Variants in USP37 observed in about 807,000 individuals in gnomAD.
USP37 encodes ubiquitin carboxyl-terminal hydrolase 37.
USP37 carries 27 observed loss-of-function variants against 124.0 expected under a neutral mutation model. The ratio of observed to expected loss-of-function variants is 0.22; its 90% CI spans 0.16 to 0.30. The LOEUF is 0.30. USP37 is among the 10% of genes least tolerant of loss of function. USP37 has a pLI of 1.00. For missense variants in USP37, 889 were observed against 1,140.4 expected (o/e 0.78, Z 3.17); for synonymous variants, 365 against 388.0 (o/e 0.94, Z 0.70).
At position 218,451,159 on chromosome 2, in the gene USP37, T is replaced by C. The variant is rs575013554; in HGVS notation, c.*3771A>G. ...ATAAAAAGATGTTGGAGGGCAGAAG[T>C]CTATTTAGTTTTTGTATACACTTGC... is the stretch of plus-strand genomic sequence containing the variant. On this transcript the variant is annotated 3_prime_UTR_variant, in exon 26 of 26. Coordinates refer to ENST00000258399, the MANE Select transcript of USP37 (RefSeq NM_020935.3). 1 of 152,326 alleles carries C rather than the reference T, an allele frequency of 6.6e-6. No individual in the cohort carries two copies. The highest frequency in any genetic ancestry group is 1.9e-4 in the East Asian group (1 of 5,186). The allele number at this position is 152,326 out of a possible 1,614,324, so 9.4% of individuals were successfully genotyped here.
chr2:218,477,998 C>G (rs1170357307), intron 18 of USP37, among the ~76,000 whole-genome samples: 3 of 152,066 alleles, frequency 2.0e-5, no homozygotes. Flanking sequence ...CAAGAACTTT[C>G]TTTGATGGAG....
At chr2:218,495,733 G>A in intron 14 of USP37, 27 bp downstream of exon 14, 1 of 1,569,710 alleles carries the variant, frequency 6.4e-7, no homozygotes, top group Non-Finnish European at 8.6e-7. Context: ...AAGTAAAAAG[G>A]GAAATCATTT....
At chr2:218,537,663 A>G (rs1433172369) in intron 8 of USP37, among the ~76,000 whole-genome samples, 1 of 152,332 alleles carries the variant, frequency 6.6e-6, no homozygotes, top group East Asian at 1.9e-4. Flanking sequence ...CAGGTAAATA[A>G]TCATCAAAAA....
intron 3 of USP37, 62 bp downstream of exon 3, chr2:218,560,758 T>G (rs1693264743): frequency 6.6e-6 from 1 of 151,932 alleles, no homozygotes; most frequent in Non-Finnish European, 1.5e-5. Flanking sequence ...AACTGTCCAT[T>G]TTTAATTGTT....
intron 10 of USP37, among the ~76,000 whole-genome samples, chr2:218,519,998 T>C (rs942049940): frequency 1.3e-5 from 2 of 152,124 alleles, no homozygotes; most frequent in African/African-American, 4.8e-5. Flanking sequence ...AGTACAATGG[T>C]GCGATCTAGG....
chr2:218,517,105 G>A (rs1690334685), intron 10 of USP37, among the ~76,000 whole-genome samples: 1 of 152,148 alleles, frequency 6.6e-6, no homozygotes, highest in African/African-American at 2.4e-5. Flanking sequence ...TACAATATTT[G>A]TGTACTCATG....
intron 2 of USP37, 42 bp downstream of exon 2, chr2:218,562,631 A>G (rs1029696816): frequency 2.3e-5 from 9 of 397,960 alleles, no homozygotes; most frequent in Non-Finnish European, 3.5e-5. Flanking sequence ...GCCAGATTGC[A>G]TGCTCTTTGA....
intron 20 of USP37, among the ~76,000 whole-genome samples, chr2:218,468,372 C>T (rs896658188): frequency 1.3e-5 from 2 of 151,114 alleles, no homozygotes; most frequent in African/African-American, 2.4e-5. Context: ...AAGTAGCATG[C>T]ACCACCATGC....
At chr2:218,546,781 T>TA in intron 7 of USP37, 138 bp downstream of exon 7, 1 of 954,118 alleles carries the variant, frequency 1.0e-6, no homozygotes, top group Non-Finnish European at 1.5e-6. Context: ...ATAAACTACA[T>TA]ATGACAAATA....
chr2:218,517,520 T>C (rs529083267), intron 10 of USP37, among the ~76,000 whole-genome samples: 2 of 152,366 alleles, frequency 1.3e-5, no homozygotes, highest in African/African-American at 4.8e-5. Context: ...AATTCTATGT[T>C]GGCAGTTATT....
intron 20 of USP37, among the ~76,000 whole-genome samples, chr2:218,474,066 T>A (rs523396): frequency 4.1e-4 from 63 of 152,078 alleles, no homozygotes; most frequent in Admixed American, 2.4e-3. Flanking sequence ...AATGGAGAAC[T>A]TGAATTATTT....
At position 218,497,850 on chromosome 2, in the gene USP37, C is replaced by T. The variant is rs777070314; in HGVS notation, c.1165G>A (p.Ala389Thr). 10 of 1,613,460 alleles carry T rather than the reference C, an allele frequency of 6.2e-6. No homozygotes were observed. In the Admixed American group the frequency reaches 1.0e-4, roughly 16 times the overall value. Residue 389 changes from alanine to threonine, a missense_variant, in exon 13 of 26, where the codon GCA becomes ACA. Around this residue, in one of 3 missense-constraint regions of USP37, gnomAD observed 504 missense variants for 714.3 expected, o/e 0.71. Transcript: ENST00000258399. ...ATATCTTTTTTAACAAGCAAGTGTG[C>T]AAAGCGTCTAGTAAAACAAAAAACA... ...IPLNALIRRF[A>T]HLLVKKDICN...
intron 20 of USP37, among the ~76,000 whole-genome samples, chr2:218,467,902 T>A (rs1690447240): frequency 6.6e-6 from 1 of 151,922 alleles, no homozygotes; most frequent in Non-Finnish European, 1.5e-5. Flanking sequence ...TTTTTTTTTT[T>A]TTTAAGACTG....
At position 218,459,845 on chromosome 2, in the gene USP37, A is replaced by T; in HGVS notation, c.2588T>A (p.Val863Asp). Reference sequence around the variant, plus strand: ...AGCTTCTGTGTACTCCATATCAAAAACATCCTCATTTCCAGAGTCCTCATC... The same window carrying T: ...AGCTTCTGTGTACTCCATATCAAAATCATCCTCATTTCCAGAGTCCTCATC... Reference protein sequence around the residue: ...GSDEDSGNEDVFDMEYTEAEA... With the variant: ...GSDEDSGNEDDFDMEYTEAEA... The change falls in exon 23 of 26, where the codon GTT becomes GAT. Residue 863 changes from valine (V) to aspartate (D), a missense_variant. By Grantham distance (152) the Val-to-Asp change is radical (BLOSUM62 -3). This residue lies in a region of USP37 where 504 missense variants were observed against 714.3 expected (regional missense o/e 0.71). Coordinates refer to ENST00000258399, the MANE Select transcript of USP37 (RefSeq NM_020935.3). 1.2e-6 allele frequency: 2 copies of T among 1,613,978 alleles called. No homozygotes were observed. Among genetic ancestry groups the T allele is most frequent in the Non-Finnish European group, 1.7e-6 (2 of 1,179,924 alleles).
At chr2:218,499,249 G>C (rs138188075) in intron 11 of USP37, among the ~76,000 whole-genome samples, 67 of 152,070 alleles carry the variant, frequency 4.4e-4, no homozygotes, top group African/African-American at 1.5e-3. Flanking sequence ...ACTCAAGCCT[G>C]GGCAACAGAG....
intron 11 of USP37, among the ~76,000 whole-genome samples, chr2:218,499,029 C>G (rs910982901): frequency 1.3e-5 from 2 of 152,172 alleles, no homozygotes; most frequent in African/African-American, 4.8e-5. Flanking sequence ...AATCCCAGCA[C>G]TTTGGGAGGC....
chr2:218,515,624 G>C (rs146117044), intron 10 of USP37, among the ~76,000 whole-genome samples: 63 of 152,226 alleles, frequency 4.1e-4, no homozygotes, highest in African/African-American at 1.4e-3. Flanking sequence ...TACCATTCAG[G>C]ACATAGGCAT....
At chr2:218,474,448 G>A (rs570360219) in intron 20 of USP37, among the ~76,000 whole-genome samples, 182 bp downstream of exon 20, 13 of 152,146 alleles carry the variant, frequency 8.5e-5, no homozygotes, top group Admixed American at 8.5e-4. Context: ...TGCAACCTCC[G>A]CCTCCCGGTT....
chr2:218,560,777 A>G (rs1693265165), intron 3 of USP37, 43 bp downstream of exon 3: 1 of 152,242 alleles, frequency 6.6e-6, no homozygotes, highest in Non-Finnish European at 1.5e-5. Context: ...TTGGCAATGA[A>G]TTCAAATTTA....
Sources: allele counts gnomAD v4.1 joint callset (sites outside exome capture counted in the v4.1 genomes callset), GRCh38; gene constraint gnomAD v4.1.1; regional missense constraint gnomAD v4.1.1; transcripts MANE v1.5; gene names NCBI Gene and HGNC (gene_info 2026-07-23, HGNC 2026-07-21).